Variants in LMO4 observed in about 807,000 individuals in gnomAD.
LMO4 encodes LIM domain only 4, also known as LIM domain transcription factor LMO4.
In LMO4, 3 loss-of-function variants were observed where a neutral mutation model predicts 18.5. The ratio of observed to expected loss-of-function variants is 0.16; its 90% CI spans 0.07 to 0.42. LMO4 has a LOEUF of 0.42. LMO4 is among the 10% of genes least tolerant of loss of function. The pLI is 0.99. For missense variants in LMO4, 121 were observed against 219.9 expected (o/e 0.55, Z 2.84); for synonymous variants, 100 against 88.1 (o/e 1.14, Z -0.76).
intron 2 of LMO4, among the ~76,000 whole-genome samples, chr1:87,333,384 T>TA (rs1359212506): frequency 2.0e-5 from 3 of 152,214 alleles, no homozygotes; most frequent in Non-Finnish European, 4.4e-5. Context: ...AAATTTGTCC[T>TA]AAACCTTTTT....
chr1:87,342,781 A>G (rs1454594871), intron 4 of LMO4, among the ~76,000 whole-genome samples: 1 of 152,122 alleles, frequency 6.6e-6, no homozygotes. Context: ...GTCCAGAGAG[A>G]TATTAATGAG....
rs1268344039 is a variant in LMO4 at position 87,348,018 on chromosome 1, T to C, written c.*3222T>C. ...ATTTAAATTCTTTCTTTTGCCCTTA[T>C]TAACACTGATATTTGAAACAACTAA... On this transcript the variant is annotated 3_prime_UTR_variant, in exon 5 of 5. Transcript: ENST00000370544. 1 of 152,234 alleles carries C rather than the reference T, an allele frequency of 6.6e-6. No homozygotes were observed. The highest frequency in any genetic ancestry group is 1.5e-5 in the Non-Finnish European group (1 of 68,052). 9.4% of individuals were successfully genotyped at this position (152,234 alleles called of 1,614,324 possible).
chr1:87,338,806 C>T (rs1007821156), intron 2 of LMO4, among the ~76,000 whole-genome samples: 2 of 152,180 alleles, frequency 1.3e-5, no homozygotes, highest in African/African-American at 4.8e-5. Context: ...CGGTAAATTA[C>T]TTTCTGCTCA....
chr1:87,336,159 A>G (rs1650305815), intron 2 of LMO4, among the ~76,000 whole-genome samples: 1 of 152,104 alleles, frequency 6.6e-6, no homozygotes, highest in African/African-American at 2.4e-5. Context: ...TCTGGGTTGC[A>G]TTTCTTTGTT....
intron 2 of LMO4, among the ~76,000 whole-genome samples, chr1:87,335,979 C>T (rs1650299851): frequency 6.6e-6 from 1 of 151,156 alleles, no homozygotes; most frequent in South Asian, 2.1e-4. Context: ...CTCCAATTCA[C>T]TTGGGGGCAG....
rs772663474 is a variant in LMO4 at position 87,339,718 on chromosome 1, G to A, written c.333+86G>A. On this transcript the variant is annotated intron_variant, in intron 3 of 4. Transcript: ENST00000370544. ...GGGGCAAAGCATTTCTCCTTGGTAT[G>A]AACTGTTTTCTCAAGCTGCAGACAC... The A allele has an allele frequency of 3.8e-5, 33 of 859,110 alleles. 1 individual carries two copies. The highest frequency in any genetic ancestry group is 5.4e-5 in the Non-Finnish European group (29 of 537,964). The allele number at this position is 859,110 out of a possible 1,614,324, so 53.2% of individuals were successfully genotyped here. A position where few individuals can be genotyped will look rare whatever the true frequency, so the allele number is the denominator to read the frequency against.
intron 2 of LMO4, among the ~76,000 whole-genome samples, chr1:87,338,663 C>T (rs1412150338): frequency 6.6e-6 from 1 of 152,108 alleles, no homozygotes; most frequent in Non-Finnish European, 1.5e-5. Flanking sequence ...TGAGCTTTCC[C>T]CTCCTCTGCA....
rs111776626 is a variant in LMO4, at chr1:87,348,101, T to G, written c.*3305T>G. ...ATGTCAATATAGTAAGATTCTAATG[T>G]GCACTACTATTTATATAAAATATTT... On this transcript the variant is annotated 3_prime_UTR_variant, in exon 5 of 5. Transcript: ENST00000370544. The G allele has an allele frequency of 5.8e-4, 89 of 152,418 alleles. No homozygotes were observed. The highest frequency in any genetic ancestry group is 2.1e-3 in the African/African-American group (89 of 41,576). The allele number at this position is 152,418 out of a possible 1,614,324, so 9.4% of individuals were successfully genotyped here.
intron 2 of LMO4, among the ~76,000 whole-genome samples, chr1:87,337,344 C>A (rs914136158): frequency 6.6e-6 from 1 of 152,124 alleles, no homozygotes; most frequent in African/African-American, 2.4e-5. Context: ...AAATACACTT[C>A]GATGTTGAAG....
Position 87,346,367 on chromosome 1 carries a change from A to C in LMO4, c.*1571A>C, listed in dbSNP as rs1650627031. The stretch of plus-strand genomic sequence containing the variant: ...AGTGCTGGAAGGAGGAAAACCAAAT[A>C]GGCCTGGAGGCTGAGGTTGTACTGC... On this transcript the variant is annotated 3_prime_UTR_variant, in exon 5 of 5. Transcript: ENST00000370544. 6.6e-6 allele frequency: 1 copy of C among 152,274 alleles called. No individual in the cohort carries two copies. The highest frequency in any genetic ancestry group is 2.1e-4 in the South Asian group (1 of 4,834). The allele number at this position is 152,274 out of a possible 1,614,324, so 9.4% of individuals were successfully genotyped here. A position where few individuals can be genotyped will look rare whatever the true frequency, so the allele number is the denominator to read the frequency against.
chr1:87,340,129 A>G lies in LMO4; in HGVS notation c.416A>G (p.His139Arg), dbSNP rs1422923705. Residue 139 changes from histidine (H) to arginine (R), a missense_variant, in exon 4 of 5, where the codon CAT becomes CGT. Transcript: ENST00000370544. ...ATCAATGGCAGTTTATTTTGTGAAC[A>G]TGATAGACCTACAGCTCTCATCAAT... Reference protein sequence around the residue: ...HYINGSLFCEHDRPTALINGH... With the variant: ...HYINGSLFCERDRPTALINGH... 3 of 1,614,148 alleles carry G rather than the reference A, an allele frequency of 1.9e-6. No individual in the cohort carries two copies. Among genetic ancestry groups the G allele is most frequent in the Non-Finnish European group, 1.7e-6 (2 of 1,180,008 alleles).
Position 87,340,212 on chromosome 1 carries a change from C to A in LMO4, c.489+10C>A. The A allele has an allele frequency of 6.2e-7, 1 of 1,613,308 alleles. No homozygotes were observed. Among genetic ancestry groups the A allele is most frequent in the Non-Finnish European group, 8.5e-7 (1 of 1,179,630 alleles). On this transcript the variant is annotated intron_variant, in intron 4 of 4. Transcript: ENST00000370544. ...ACTGCCAGACCAGAAGGTGAATACC[C>A]AGCAATTACTAATAAGCTTTATTAG...
At chr1:87,333,956 C>CA (rs1400582190) in intron 2 of LMO4, among the ~76,000 whole-genome samples, 1 of 146,174 alleles carries the variant, frequency 6.8e-6, no homozygotes. Context: ...AAAAAAAAAA[C>CA]AAAAAACAAA....
chr1:87,344,323 T>C (rs1193702543), intron 4 of LMO4, among the ~76,000 whole-genome samples: 1 of 152,214 alleles, frequency 6.6e-6, no homozygotes, highest in Non-Finnish European at 1.5e-5. Flanking sequence ...TTATCCCTTC[T>C]TTAAAGATGA....
chr1:87,331,849 C>CAAGGTGTAGA, intron 1 of LMO4, 164 bp from the exon 2 acceptor site: 1 of 594,688 alleles, frequency 1.7e-6, no homozygotes, highest in Admixed American at 3.1e-5. Flanking sequence ...AGCCTCCCTT[C>CAAGGTGTAGA]TTCCCTCTCC....
At chr1:87,337,166 C>T (rs1366094331) in intron 2 of LMO4, among the ~76,000 whole-genome samples, 3 of 152,160 alleles carry the variant, frequency 2.0e-5, no homozygotes, top group Admixed American at 1.3e-4. Context: ...GCACATCAGT[C>T]CTGGGTAGAT....
intron 2 of LMO4, among the ~76,000 whole-genome samples, chr1:87,336,804 G>T (rs1650328037): frequency 6.6e-6 from 1 of 152,116 alleles, no homozygotes; most frequent in African/African-American, 2.4e-5. Flanking sequence ...CTGACCTGGG[G>T]TATATCTCCC....
At chr1:87,339,464 T>TCCGGATGA in intron 2 of LMO4, 72 bp from the exon 3 acceptor site, 1 of 1,042,034 alleles carries the variant, frequency 9.6e-7, no homozygotes, top group Non-Finnish European at 1.5e-6. Context: ...GCCCAGAGTC[T>TCCGGATGA]GGGGGTGTTT....
In LMO4 at chr1:87,348,626, C is replaced by G. The variant is rs994123163; in HGVS notation, c.*3830C>G. 1 of 458,690 alleles carries G rather than the reference C, an allele frequency of 2.2e-6. No individual in the cohort carries two copies. The highest frequency in any genetic ancestry group is 4.4e-6 in the Non-Finnish European group (1 of 227,890). 28.4% of individuals were successfully genotyped at this position (458,690 alleles called of 1,614,324 possible). On this transcript the variant is annotated 3_prime_UTR_variant, in exon 5 of 5. Transcript: ENST00000370544. ...AAAGAGGCATTTGTAGCCCTCTGCT[C>G]CCATCGTGAACATGCTGAGAGCAAT...
Sources: gnomAD v4.1 joint callset for allele counts (sites outside exome capture counted in the v4.1 genomes callset) on GRCh38, gnomAD v4.1.1 for gene constraint, MANE v1.5 for transcripts, NCBI Gene and HGNC (gene_info 2026-07-23, HGNC 2026-07-21) for gene names.